Variants in NMBR observed in about 807,000 individuals in gnomAD.
NMBR encodes the protein neuromedin-B receptor.
In NMBR, 16 loss-of-function variants were observed where a neutral mutation model predicts 20.5. The observed-to-expected ratio is 0.78, with a 90% confidence interval of 0.53 to 1.19. The LOEUF is 1.19. NMBR is among the 50% of genes most tolerant of loss of function. The pLI, the probability that NMBR is intolerant of heterozygous loss-of-function variation, is 0.00. For missense variants in NMBR, 582 were observed against 499.1 expected (o/e 1.17, Z -1.58); for synonymous variants, 212 against 196.6 (o/e 1.08, Z -0.65).
intron 1 of NMBR, among the ~76,000 whole-genome samples, chr6:142,129,120 A>G (rs1452974707): frequency 6.6e-6 from 1 of 151,740 alleles, no homozygotes; most frequent in Non-Finnish European, 1.5e-5. Context: ...TTTCTTGTTT[A>G]CACCACAAGG....
intron 1 of NMBR, among the ~76,000 whole-genome samples, chr6:142,107,094 G>A (rs2114586038): frequency 6.6e-6 from 1 of 152,170 alleles, no homozygotes; most frequent in African/African-American, 2.4e-5. Flanking sequence ...TCATGAATAG[G>A]GCAAAGTATT....
At chr6:142,126,243 C>A (rs1778034416) in intron 1 of NMBR, among the ~76,000 whole-genome samples, 1 of 138,982 alleles carries the variant, frequency 7.2e-6, no homozygotes, top group African/African-American at 2.6e-5. Context: ...AAGGGCTTAA[C>A]AATATTCCTC....
chr6:142,075,911 T>C lies in NMBR; in HGVS notation c.910A>G (p.Ile304Val), dbSNP rs150579060. ...AGAACCCGGGCAACTAAGGTGACAA[T>C]CATGTGGCCTAGAGATGGATCAATC... ...NEIDPSLGHM[I>V]VTLVARVLSF... Residue 304 changes from isoleucine to valine, a missense_variant, in exon 4 of 4, where the codon ATT (isoleucine) becomes GTT (valine). By Grantham distance (29) the Ile-to-Val change is conservative. Coordinates refer to ENST00000258042, the MANE Select transcript of NMBR (RefSeq NM_002511.4). 2.4e-4 allele frequency: 383 copies of C among 1,614,006 alleles called. 1 individual carries two copies. The African/African-American group carries it at 4.3e-3, about 18-fold the overall frequency.
intron 1 of NMBR, among the ~76,000 whole-genome samples, chr6:142,091,863 G>A (rs776975538): frequency 6.6e-6 from 1 of 152,096 alleles, no homozygotes; most frequent in Non-Finnish European, 1.5e-5. Flanking sequence ...GTACAGAACT[G>A]TTCAGAACCA....
intron 1 of NMBR, among the ~76,000 whole-genome samples, chr6:142,109,617 A>G (rs1777723897): frequency 6.6e-6 from 1 of 151,876 alleles, no homozygotes; most frequent in South Asian, 2.1e-4. Context: ...ATTACCCATC[A>G]TGGAAATGCA....
chr6:142,115,038 G>C (rs1478368463), intron 1 of NMBR, among the ~76,000 whole-genome samples: 3 of 152,144 alleles, frequency 2.0e-5, no homozygotes, highest in Admixed American at 6.6e-5. Flanking sequence ...GATTGAGAGA[G>C]ACTTTTTTCT....
At chr6:142,131,666 T>C (rs1479277505) in intron 1 of NMBR, among the ~76,000 whole-genome samples, 1 of 152,210 alleles carries the variant, frequency 6.6e-6, no homozygotes, top group Non-Finnish European at 1.5e-5. Context: ...GTATGGTTTA[T>C]TCCTTTGTTT....
rs2114549743 is a variant in NMBR, at chr6:142,075,722, T to A, written c.1099A>T (p.Ser367Cys). ...SSAVRMTSLKSNAKNMVTNSV... is the reference protein window; with the variant it reads ...SSAVRMTSLKCNAKNMVTNSV... Reference sequence around the variant, plus strand: ...TTGGTCACCATGTTCTTAGCATTGCTTTTCAGAGATGTCATACGCACCGCT... The same window carrying A: ...TTGGTCACCATGTTCTTAGCATTGCATTTCAGAGATGTCATACGCACCGCT... Residue 367 changes from serine (S) to cysteine (C), a missense_variant, in exon 4 of 4, where the codon AGC becomes TGC. Ser to Cys is a moderately radical substitution (Grantham distance 112). Transcript: ENST00000258042. 6.2e-7 allele frequency: 1 copy of A among 1,614,074 alleles called. No individual in the cohort carries two copies. Among genetic ancestry groups the A allele is most frequent in the South Asian group, 1.1e-5 (1 of 91,084 alleles).
chr6:142,077,928 A>G (rs184169682), intron 3 of NMBR, among the ~76,000 whole-genome samples: 4 of 152,338 alleles, frequency 2.6e-5, no homozygotes, highest in Non-Finnish European at 4.4e-5. Flanking sequence ...AGGAAGAAAA[A>G]GTACATAAGG....
chr6:142,112,287 G>A (rs917837045), intron 1 of NMBR, among the ~76,000 whole-genome samples: 1 of 152,094 alleles, frequency 6.6e-6, no homozygotes, highest in African/African-American at 2.4e-5. Context: ...ATTTGCATTC[G>A]ATATTTCATG....
At chr6:142,121,659 A>G (rs533173723) in intron 1 of NMBR, among the ~76,000 whole-genome samples, 1 of 151,956 alleles carries the variant, frequency 6.6e-6, no homozygotes, top group Admixed American at 6.6e-5. Flanking sequence ...TCAAGATGTA[A>G]CCTTGAAGCA....
intron 1 of NMBR, among the ~76,000 whole-genome samples, chr6:142,094,166 T>C (rs1777395444): frequency 6.6e-6 from 1 of 152,070 alleles, no homozygotes; most frequent in Non-Finnish European, 1.5e-5. Flanking sequence ...TAGATCCCAT[T>C]TGTCAATTTT....
At chr6:142,131,998 GA>G (rs1371418868) in intron 1 of NMBR, among the ~76,000 whole-genome samples, 1 of 152,194 alleles carries the variant, frequency 6.6e-6, no homozygotes, top group African/African-American at 2.4e-5. Flanking sequence ...CTGATTCTGA[GA>G]AGATGGGAAT....
At chr6:142,100,455 G>A (rs956674061) in intron 1 of NMBR, among the ~76,000 whole-genome samples, 1 of 152,188 alleles carries the variant, frequency 6.6e-6, no homozygotes, top group African/African-American at 2.4e-5. Context: ...AAGTCAATCT[G>A]AAAAGGCTGT....
intron 1 of NMBR, chr6:142,134,739 T>C (rs1433677996): frequency 4.3e-6 from 3 of 692,246 alleles, no homozygotes; most frequent in Non-Finnish European, 7.9e-6. Flanking sequence ...TAAAATCTCT[T>C]TACCTGTGTG....
At chr6:142,100,072 T>TA (rs1777531489) in intron 1 of NMBR, among the ~76,000 whole-genome samples, 1 of 152,212 alleles carries the variant, frequency 6.6e-6, no homozygotes, top group East Asian at 1.9e-4. Context: ...CTGCCAACTT[T>TA]AAATGCTGAG....
At chr6:142,116,847 A>G (rs904937178) in intron 1 of NMBR, among the ~76,000 whole-genome samples, 8 of 151,988 alleles carry the variant, frequency 5.3e-5, no homozygotes, top group African/African-American at 1.9e-4. Flanking sequence ...ATAAGCCATA[A>G]TTATTATCAT....
At chr6:142,146,350 T>A (rs911717938) in intron 1 of NMBR, among the ~76,000 whole-genome samples, 1 of 152,074 alleles carries the variant, frequency 6.6e-6, no homozygotes, top group South Asian at 2.1e-4. Context: ...AGTTTTAAGA[T>A]GAATTGTCAA....
At position 142,074,950 on chromosome 6, in the gene NMBR, ATACT is replaced by A. The variant is rs1339218247; in HGVS notation, c.*694_*697del. ...TAATTTCATTATATCTGTTAATCAC[ATACT>A]TAGAATTACAGATATGAATTATTTC... On this transcript the variant is annotated 3_prime_UTR_variant, in exon 4 of 4. Coordinates refer to ENST00000258042, the MANE Select transcript of NMBR (RefSeq NM_002511.4). Among the ~76,000 whole-genome samples the A allele has an allele frequency of 1.3e-5, 2 of 152,038 alleles. No individual in the cohort carries two copies. Among genetic ancestry groups the A allele is most frequent in the African/African-American group, 4.8e-5 (2 of 41,426 alleles).
Sources: gnomAD v4.1 joint callset for allele counts (sites outside exome capture counted in the v4.1 genomes callset) on GRCh38, gnomAD v4.1.1 for gene constraint, MANE v1.5 for transcripts, NCBI Gene and HGNC (gene_info 2026-07-23, HGNC 2026-07-21) for gene names.